Variants in MGAT5B observed in about 807,000 individuals in gnomAD.
The protein encoded by MGAT5B is alpha-1,6-mannosylglycoprotein 6-beta-N-acetylglucosaminyltransferase B.
A neutral mutation model predicts 95.1 loss-of-function variants in MGAT5B; 54 were observed. The ratio of observed to expected loss-of-function variants is 0.57; its 90% confidence interval spans 0.46 to 0.71. The LOEUF (loss-of-function observed/expected upper bound fraction) is 0.71, where lower values mean the gene tolerates loss of function less well. Among genes scored for constraint, MGAT5B ranks in the 30% least tolerant of loss-of-function variants. MGAT5B has a pLI of 0.00. For missense variants in MGAT5B, 935 were observed against 1,088.6 expected, an observed-to-expected ratio of 0.86 and a Z score of 1.99; for synonymous variants, 464 against 451.0, an observed-to-expected ratio of 1.03 and a Z score of -0.36.
intron 9 of MGAT5B, 121 bp from the exon 10 acceptor site, chr17:76,926,476 A>T: frequency 1.0e-6 from 1 of 965,462 alleles, no homozygotes; most frequent in Non-Finnish European, 1.5e-6. Flanking sequence ...AAGTGCTAAC[A>T]CACACTGTGC....
chr17:76,913,966 C>T (rs1968836077), intron 8 of MGAT5B: 2 of 351,908 alleles, frequency 5.7e-6, no homozygotes, highest in South Asian at 2.2e-5. Context: ...AAAAAATTAG[C>T]CAAGTGCGCC....
Position 76,899,028 on chromosome 17 carries a change from T to A in MGAT5B, c.330-3527T>A, listed in dbSNP as rs189778628. Among the ~76,000 whole-genome samples, 26 of 152,254 alleles carry A rather than the reference T, an allele frequency of 1.7e-4. No homozygotes were observed. In the East Asian group the frequency reaches 3.9e-3, roughly 23 times the overall value. ...CACTCACAACCACACCCACCGTGGG[T>A]CAGGGGGTTCAGAAAGTGACCTGGC... is the stretch of plus-strand genomic sequence containing the variant. On this transcript the variant is annotated intron_variant, in intron 3 of 17. Coordinates refer to ENST00000569840, the MANE Select transcript of MGAT5B (RefSeq NM_001199172.2).
At chr17:76,945,885 A>C (rs769379328) in intron 15 of MGAT5B, among the ~76,000 whole-genome samples, 24 of 152,230 alleles carry the variant, frequency 1.6e-4, no homozygotes, top group Non-Finnish European at 3.4e-4. Context: ...TATGAGAGAC[A>C]TGACGAATAC....
chr17:76,913,820 G>T (rs1426666370), intron 8 of MGAT5B: 3 of 456,904 alleles, frequency 6.6e-6, no homozygotes, highest in South Asian at 1.5e-5. Flanking sequence ...AAAGAATTTG[G>T]TCACATGAGG....
At chr17:76,920,797 A>G (rs1969102276) in intron 8 of MGAT5B, among the ~76,000 whole-genome samples, 1 of 152,176 alleles carries the variant, frequency 6.6e-6, no homozygotes, top group South Asian at 2.1e-4. Flanking sequence ...TGAGTGACCA[A>G]GGCACCTTCA....
intron 8 of MGAT5B, among the ~76,000 whole-genome samples, chr17:76,908,958 C>T (rs79219059): frequency 7.2e-5 from 11 of 151,960 alleles, no homozygotes; most frequent in Non-Finnish European, 1.5e-4. Flanking sequence ...AGGCGGGTGC[C>T]ACCGTGCCCA....
intron 8 of MGAT5B, among the ~76,000 whole-genome samples, chr17:76,923,067 G>A (rs780809997): frequency 1.3e-5 from 2 of 152,198 alleles, no homozygotes; most frequent in Admixed American, 6.5e-5. Flanking sequence ...CAGCGCTGTC[G>A]GCAGGTGACC....
At position 76,938,129 on chromosome 17, in the gene MGAT5B, C is replaced by T. The variant is rs200596583; in HGVS notation, c.1570C>T (p.Leu524=). The T allele has an allele frequency of 9.9e-6, 16 of 1,614,016 alleles. No individual in the cohort carries two copies. Among genetic ancestry groups the T allele is most frequent in the African/African-American group, 2.7e-5 (2 of 74,950 alleles). Reference sequence around the variant, plus strand: ...ACCGCAGCCTGAGTTTCAGCAGCTGCTGCGCAAGGCCAAAGTGAGCTCCCA... The same window carrying T: ...ACCGCAGCCTGAGTTTCAGCAGCTGTTGCGCAAGGCCAAAGTGAGCTCCCA... ...LLPQPEFQQL[L]RKAKLFIGFG... Residue 524 remains leucine (L), a synonymous_variant, in exon 13 of 18, where the codon CTG becomes TTG. Transcript: ENST00000569840. The surrounding 1 kb of genome is among the most constrained non-coding windows in gnomAD (Gnocchi z 4.3).
chr17:76,892,339 C>T (rs750086593), intron 3 of MGAT5B, among the ~76,000 whole-genome samples: 41 of 152,226 alleles, frequency 2.7e-4, no homozygotes, highest in East Asian at 7.7e-4. Flanking sequence ...TGAGCCACCA[C>T]GCTCGGCCAG....
chr17:76,899,527 C>T (rs1968228770), intron 3 of MGAT5B, among the ~76,000 whole-genome samples: 1 of 152,092 alleles, frequency 6.6e-6, no homozygotes, highest in South Asian at 2.1e-4. Context: ...GTCCCAGCTA[C>T]TTGGGAAACT....
At chr17:76,933,010 T>C (rs1969544159) in intron 11 of MGAT5B, among the ~76,000 whole-genome samples, 1 of 152,242 alleles carries the variant, frequency 6.6e-6, no homozygotes, top group Non-Finnish European at 1.5e-5. Flanking sequence ...GATTCCTTAA[T>C]TGAGGACTGT....
chr17:76,886,610 G>A (rs574803254), intron 3 of MGAT5B, among the ~76,000 whole-genome samples: 27 of 152,316 alleles, frequency 1.8e-4, no homozygotes, highest in South Asian at 6.2e-4. Context: ...TCTGGACAGC[G>A]GGAAGGAGCA....
rs1598938736 is a variant in MGAT5B at position 76,905,563 on chromosome 17, G to A, written c.855+230G>A. On this transcript the variant is annotated intron_variant, in intron 7 of 17. Coordinates refer to ENST00000569840, the MANE Select transcript of MGAT5B (RefSeq NM_001199172.2). The surrounding 1 kb of genome is among the most constrained non-coding windows in gnomAD (Gnocchi z 4.2). The stretch of plus-strand genomic sequence containing the variant: ...GCCCCCAAGAGGTCCTGCATTCTGT[G>A]TACATCTGGTTCATGTCAGGCAGAA... Among the ~76,000 whole-genome samples, 1 of 152,204 alleles carries A rather than the reference G, an allele frequency of 6.6e-6. No homozygotes were observed. The highest frequency in any genetic ancestry group is 6.5e-5 in the Admixed American group (1 of 15,292).
intron 8 of MGAT5B, among the ~76,000 whole-genome samples, chr17:76,923,094 C>T (rs9911800): frequency 0.13 from 19,242 of 152,230 alleles, 1,401 homozygotes; most frequent in East Asian, 0.31. Flanking sequence ...ATCATCGACA[C>T]GGCACCACTT....
intron 2 of MGAT5B, 147 bp from the exon 3 acceptor site, chr17:76,882,004 G>A: frequency 3.8e-6 from 3 of 783,568 alleles, no homozygotes; most frequent in South Asian, 2.0e-5. Flanking sequence ...AGCAGTGCCT[G>A]GGAAGATGGA....
chr17:76,901,780 T>C (rs1159930192), intron 3 of MGAT5B, among the ~76,000 whole-genome samples: 8 of 152,288 alleles, frequency 5.3e-5, no homozygotes, highest in South Asian at 2.1e-4. Flanking sequence ...TGGGAGGAAA[T>C]AGAGACAGAC....
rs1237144697 is a variant in MGAT5B, at chr17:76,930,301, C to G, written c.1292-2344C>G. ...ATGTTGATTATTACGTCTTGTGGGC[C>G]TTGAGGGGTGGGTGGGAATACTACA... On this transcript the variant is annotated intron_variant, in intron 10 of 17. Transcript: ENST00000569840. This position sits in a 1 kb window ranked among gnomAD's most constrained non-coding sequence, Gnocchi z 4.1. 6.7e-6 allele frequency among the ~76,000 whole-genome samples: 1 copy of G among 148,262 alleles called. No homozygotes were observed. Among genetic ancestry groups the G allele is most frequent in the East Asian group, 2.0e-4 (1 of 4,894 alleles).
At chr17:76,909,513 T>G (rs1025934) in intron 8 of MGAT5B, among the ~76,000 whole-genome samples, 74,033 of 152,058 alleles carry the variant, frequency 0.49, 20,209 homozygotes, top group East Asian at 0.9. Flanking sequence ...TGGCCTTCTC[T>G]CCACTAATGC....
At position 76,943,037 on chromosome 17, in the gene MGAT5B, C is replaced by CCGCCA. The variant is rs1555601291; in HGVS notation, c.1848+2190_1848+2191insGCCAC. Among the ~76,000 whole-genome samples the CCGCCA allele has an allele frequency of 2.7e-4, 41 of 151,594 alleles. 1 individual carries two copies. The highest frequency in any genetic ancestry group is 4.9e-4 in the Non-Finnish European group (33 of 67,842). On this transcript the variant is annotated intron_variant, in intron 15 of 17. Coordinates refer to ENST00000569840, the MANE Select transcript of MGAT5B (RefSeq NM_001199172.2). ...CACTCCACCTTGGGGATAACTTGCC[C>CCGCCA]CCCCGGGAGGCCCAGAAAGCGGGGT...
Sources: gnomAD v4.1 joint callset for allele counts (sites outside exome capture counted in the v4.1 genomes callset) on GRCh38, gnomAD v4.1.1 for gene constraint, Gnocchi (gnomAD v3.1) non-coding constraint, MANE v1.5 for transcripts, NCBI Gene and HGNC (gene_info 2026-07-23, HGNC 2026-07-21) for gene names.